Variants in VPS53 observed in about 807,000 individuals in gnomAD.
VPS53 encodes the protein VPS53 subunit of GARP complex, also known as vacuolar protein sorting-associated protein 53 homolog.
A neutral mutation model predicts 107.0 loss-of-function variants in VPS53; 70 were observed. The ratio of observed to expected loss-of-function variants is 0.65; its 90% CI spans 0.54 to 0.80. The LOEUF is 0.80. Ranked by LOEUF, VPS53 falls within the 30% of genes least tolerant of loss-of-function variation. VPS53 has a pLI of 0.00. For synonymous variants in VPS53, 409 were observed against 393.3 expected (o/e 1.04, Z -0.47); for missense variants, 917 against 1,049.4 (o/e 0.87, Z 1.74).
intron 12 of VPS53, among the ~76,000 whole-genome samples, chr17:601,527 G>C (rs1968323383): frequency 1.3e-5 from 2 of 152,198 alleles, no homozygotes; most frequent in Non-Finnish European, 2.9e-5. Flanking sequence ...AGGCAGAGCA[G>C]AACTCTCCTG....
intron 12 of VPS53, among the ~76,000 whole-genome samples, chr17:586,918 C>T (rs980133856): frequency 6.6e-6 from 1 of 152,062 alleles, no homozygotes; most frequent in African/African-American, 2.4e-5. Context: ...CATTATTTTC[C>T]TGCAATGGTT....
At chr17:691,777 C>T (rs1972784175) in intron 4 of VPS53, among the ~76,000 whole-genome samples, 2 of 152,294 alleles carry the variant, frequency 1.3e-5, no homozygotes, top group East Asian at 1.9e-4. Context: ...ACATACAGCT[C>T]CAAATCACAA....
Position 661,520 on chromosome 17 carries a change from C to CA in VPS53, c.372+288dup, listed in dbSNP as rs10666256. On this transcript the variant is annotated intron_variant, in intron 5 of 21. Transcript: ENST00000437048. The stretch of plus-strand genomic sequence containing the variant: ...CTGGCGACAGAGCAAGACTCCATCT[C>CA]AAAAAAAAAAAAAAAAATACCCAAA... Among the ~76,000 whole-genome samples, 13,377 of 109,068 alleles carry CA rather than the reference C, an allele frequency of 0.12. 1,335 individuals are homozygous for CA. Among genetic ancestry groups the CA allele is most frequent in the East Asian group, 0.6 (2,470 of 4,120 alleles). 71.6% of individuals were successfully genotyped at this position (109,068 alleles called of 152,430 possible).
Position 560,488 on chromosome 17 carries a change from C to A in VPS53, c.1642G>T (p.Glu548Ter). ...GSEVAKFTLEELCLICNILST... is the reference protein window; with the variant it reads ...GSEVAKFTLE ...AGGATGTTACAGATGAGGCAGAGCT[C>A]CTCCAGAGTGAACTTGGCTACTTCT... Residue 548 changes from glutamate (E) to a stop codon, truncating the protein, a stop_gained, in exon 15 of 22, where the codon GAG becomes TAG. Transcript: ENST00000437048. LOFTEE classifies it high-confidence loss of function. 1.2e-6 allele frequency: 2 copies of A among 1,613,338 alleles called. No homozygotes were observed. Among genetic ancestry groups the A allele is most frequent in the South Asian group, 1.1e-5 (1 of 91,024 alleles).
chr17:599,004 G>A (rs189744223), intron 12 of VPS53, among the ~76,000 whole-genome samples: 3,828 of 80,248 alleles, frequency 0.048, 826 homozygotes, highest in South Asian at 0.11. Flanking sequence ...GGTGGGGGGG[G>A]GGGTCAGCCC....
chr17:572,258 G>C (rs1391849977), intron 13 of VPS53, among the ~76,000 whole-genome samples: 1 of 147,514 alleles, frequency 6.8e-6, no homozygotes, highest in African/African-American at 2.5e-5. Flanking sequence ...GGTGAGGAGC[G>C]TCTCTGCCCA....
At chr17:681,205 C>A (rs1456188698) in intron 4 of VPS53, among the ~76,000 whole-genome samples, 1 of 152,106 alleles carries the variant, frequency 6.6e-6, no homozygotes. Flanking sequence ...GGTGCAATTT[C>A]GGCTCACCGC....
intron 18 of VPS53, among the ~76,000 whole-genome samples, chr17:535,904 G>C (rs1429630622): frequency 6.6e-6 from 1 of 152,118 alleles, no homozygotes; most frequent in Non-Finnish European, 1.5e-5. Flanking sequence ...GGAGAGATTG[G>C]GGGAAGACAG....
At chr17:522,001 C>G (rs2151794392) in intron 19 of VPS53, among the ~76,000 whole-genome samples, 1 of 152,282 alleles carries the variant, frequency 6.6e-6, no homozygotes, top group South Asian at 2.1e-4. Flanking sequence ...CACCTGTAAT[C>G]CCAGCACTTC....
intron 11 of VPS53, among the ~76,000 whole-genome samples, chr17:612,751 C>T (rs1968950088): frequency 7.5e-6 from 1 of 133,586 alleles, no homozygotes; most frequent in African/African-American, 2.9e-5. Flanking sequence ...TACAGATATT[C>T]ACAGCAGTAT....
intron 13 of VPS53, among the ~76,000 whole-genome samples, chr17:569,884 AC>A (rs1245100689): frequency 6.6e-6 from 1 of 151,142 alleles, no homozygotes; most frequent in African/African-American, 2.4e-5. Flanking sequence ...AGCCTGGGCG[AC>A]AGAGCAAGAC....
rs1374632833 is a variant in VPS53, at chr17:521,699, C to G, written c.2125G>C (p.Asp709His). 6.5e-7 allele frequency: 1 copy of G among 1,550,086 alleles called. No homozygotes were observed. Among genetic ancestry groups the G allele is most frequent in the South Asian group, 1.2e-5 (1 of 83,794 alleles). ...DTHSLKMVLL[D>H]LPSISSQVVR... is the part of the protein sequence containing the mutation. ...ACCTGCGAGCTGATGGAGGGGAGATCGAGCAGGACCATCTTCAGCGAGTGG... is the reference window on the plus strand; with the variant it reads ...ACCTGCGAGCTGATGGAGGGGAGATGGAGCAGGACCATCTTCAGCGAGTGG... The change falls in exon 20 of 22, where the codon GAT becomes CAT. Residue 709 changes from aspartate to histidine, a missense_variant. Coordinates refer to ENST00000437048, the MANE Select transcript of VPS53 (RefSeq NM_001128159.3).
chr17:552,060 T>C lies in VPS53; in HGVS notation c.1788-110A>G, dbSNP rs1368363916. 1.3e-5 allele frequency: 14 copies of C among 1,052,632 alleles called. No homozygotes were observed. In the East Asian group the frequency reaches 3.8e-4, roughly 29 times the overall value. 65.2% of individuals were successfully genotyped at this position (1,052,632 alleles called of 1,614,324 possible). Reference sequence around the variant, plus strand: ...AGATTCATCATTTCACTGGCAAAGTTTGAGCTTTAATTAATGACAGCGGAG... The same window carrying C: ...AGATTCATCATTTCACTGGCAAAGTCTGAGCTTTAATTAATGACAGCGGAG... On this transcript the variant is annotated intron_variant, in intron 16 of 21. Transcript: ENST00000437048.
chr17:714,185 T>C (rs1050948327), intron 1 of VPS53: 14 of 172,232 alleles, frequency 8.1e-5, no homozygotes, highest in Non-Finnish European at 1.4e-4. Context: ...ACTTTCTCTC[T>C]TCTCTGCCGT....
At chr17:599,656 T>G (rs59995934) in intron 12 of VPS53, among the ~76,000 whole-genome samples, 1,647 of 147,898 alleles carry the variant, frequency 0.011, 24 homozygotes, top group African/African-American at 0.038. Context: ...CCAGAGACCT[T>G]TGTTCACTTG....
At chr17:657,970 G>C (rs935234321) in intron 5 of VPS53, among the ~76,000 whole-genome samples, 4 of 147,598 alleles carry the variant, frequency 2.7e-5, no homozygotes, top group African/African-American at 1.0e-4. Flanking sequence ...CAGGGAGTTC[G>C]TGGATAGATA....
chr17:565,403 C>CAAAAAAAAAAAAAAAAAAAA (rs535932031), intron 13 of VPS53, among the ~76,000 whole-genome samples: 1 of 82,534 alleles, frequency 1.2e-5, no homozygotes, highest in African/African-American at 4.7e-5. Context: ...AACCCCATCT[C>CAAAAAAAAAAAAAAAAAAAA]AAAAAAAAAA....
At position 597,962 on chromosome 17, in the gene VPS53, C is replaced by CTCTCCCTCTCCCCATGG. The variant is rs1555561888; in HGVS notation, c.1218+3832_1218+3833insCCATGGGGAGAGGGAGA. Among the ~76,000 whole-genome samples, 235 of 141,400 alleles carry CTCTCCCTCTCCCCATGG rather than the reference C, an allele frequency of 1.7e-3. 1 individual carries two copies. Among genetic ancestry groups the CTCTCCCTCTCCCCATGG allele is most frequent in the African/African-American group, 5.8e-3 (222 of 37,992 alleles). The allele number at this position is 141,400 out of a possible 152,430, so 92.8% of individuals were successfully genotyped here. On this transcript the variant is annotated intron_variant, in intron 12 of 21. Coordinates refer to ENST00000437048, the MANE Select transcript of VPS53 (RefSeq NM_001128159.3). Reference sequence around the variant, plus strand: ...AAATGACTTGCAGCTCTCCCTCTCCCTCTCCCTCTCCCCACGGTCTCCCTC... The same window carrying CTCTCCCTCTCCCCATGG: ...AAATGACTTGCAGCTCTCCCTCTCCCTCTCCCTCTCCCCATGGTCTCCCTCTCCCCACGGTCTCCCTC...
chr17:701,668 G>T (rs978142206), intron 2 of VPS53, among the ~76,000 whole-genome samples: 1 of 151,766 alleles, frequency 6.6e-6, no homozygotes, highest in South Asian at 2.1e-4. Context: ...GAGCCACCGC[G>T]CCTGGCCAAG....
Sources: gnomAD v4.1 joint callset for allele counts (sites outside exome capture counted in the v4.1 genomes callset) on GRCh38, gnomAD v4.1.1 for gene constraint, MANE v1.5 for transcripts, NCBI Gene and HGNC (gene_info 2026-07-23, HGNC 2026-07-21) for gene names.